MCPH1: variants seen among roughly 807,000 people sequenced by gnomAD.
The protein encoded by MCPH1 is microcephalin.
In MCPH1, 104 loss-of-function variants were observed where a neutral mutation model predicts 84.5. The ratio of observed to expected loss-of-function variants is 1.23; its 90% CI spans 1.05 to 1.45. The LOEUF is 1.45. Among genes scored for constraint, MCPH1 ranks in the 40% most tolerant of loss-of-function variants. The pLI, the probability that MCPH1 is intolerant of heterozygous loss-of-function variation, is 0.00. For synonymous variants in MCPH1, 514 were observed against 366.8 expected, an observed-to-expected ratio of 1.40 and a Z score of -4.58; for missense variants, 1,498 against 1,005.7, an observed-to-expected ratio of 1.49 and a Z score of -6.62.
intron 11 of MCPH1, among the ~76,000 whole-genome samples, chr8:6,491,404 G>T (rs1810568636): frequency 7.0e-6 from 1 of 143,386 alleles, no homozygotes; most frequent in African/African-American, 2.6e-5. Flanking sequence ...AGCTGCTAAA[G>T]ATTATTATTA....
At position 6,503,042 on chromosome 8, in the gene MCPH1, G is replaced by A. The variant is rs549102544; in HGVS notation, c.2214+3113G>A. 4 of 1,596,618 alleles carry A rather than the reference G, an allele frequency of 2.5e-6. No individual in the cohort carries two copies. In the South Asian group the frequency reaches 4.5e-5, roughly 18 times the overall value. ...ACAGTGCGCAGCCGTGACTTTCAGT[G>A]CACTGGGCTTAAGTCTTTGAAAATA... On this transcript the variant is annotated intron_variant, in intron 12 of 13. Transcript: ENST00000344683.
At chr8:6,550,516 T>G (rs1823452632) in intron 12 of MCPH1, among the ~76,000 whole-genome samples, 2 of 152,230 alleles carry the variant, frequency 1.3e-5, no homozygotes, top group African/African-American at 4.8e-5. Context: ...AAAACTGGCC[T>G]GCTCACCATT....
intron 12 of MCPH1, among the ~76,000 whole-genome samples, chr8:6,520,951 G>A (rs2129569186): frequency 6.6e-6 from 1 of 152,238 alleles, no homozygotes; most frequent in Non-Finnish European, 1.5e-5. Flanking sequence ...CTAAAAGTAG[G>A]CTCTTTACTG....
chr8:6,512,189 G>T (rs1222372493), intron 12 of MCPH1, among the ~76,000 whole-genome samples: 1 of 152,118 alleles, frequency 6.6e-6, no homozygotes, highest in African/African-American at 2.4e-5. Context: ...TCTCAAACAT[G>T]CTTCTGAATT....
chr8:6,546,504 G>A (rs964802072), intron 12 of MCPH1, among the ~76,000 whole-genome samples: 15 of 151,668 alleles, frequency 9.9e-5, no homozygotes, highest in African/African-American at 2.7e-4. Flanking sequence ...CCATTCATAC[G>A]TCACTGGGGT....
intron 12 of MCPH1, among the ~76,000 whole-genome samples, chr8:6,533,155 C>A (rs1819846362): frequency 6.6e-6 from 1 of 152,312 alleles, no homozygotes; most frequent in Admixed American, 6.5e-5. Flanking sequence ...TTTAATCGCA[C>A]CTTGGTCCAT....
At chr8:6,616,446 A>C (rs1025076805) in intron 12 of MCPH1, 1 of 152,242 alleles carries the variant, frequency 6.6e-6, no homozygotes, top group Non-Finnish European at 1.5e-5. Context: ...GTCTGCCTTA[A>C]CTGACTTGGA....
At chr8:6,410,251 G>A (rs1798352139) in intron 2 of MCPH1, among the ~76,000 whole-genome samples, 1 of 151,896 alleles carries the variant, frequency 6.6e-6, no homozygotes, top group African/African-American at 2.4e-5. Context: ...TGGGATTACA[G>A]GCATGAGCCA....
intron 12 of MCPH1, chr8:6,514,636 C>T: frequency 6.4e-7 from 1 of 1,562,918 alleles, no homozygotes; most frequent in South Asian, 1.1e-5. Flanking sequence ...CTATTTTTCA[C>T]AAGGGAAATT....
intron 11 of MCPH1, among the ~76,000 whole-genome samples, chr8:6,488,349 G>A (rs1810177397): frequency 6.6e-6 from 1 of 152,230 alleles, no homozygotes; most frequent in Admixed American, 6.5e-5. Flanking sequence ...ATTGAGGGCT[G>A]TGGTGCTGCC....
chr8:6,505,077 T>A (rs138703102), intron 12 of MCPH1, among the ~76,000 whole-genome samples: 109 of 139,188 alleles, frequency 7.8e-4, no homozygotes, highest in African/African-American at 2.6e-3. Flanking sequence ...TAAAGTGAAT[T>A]AACCTCGACC....
intron 9 of MCPH1, among the ~76,000 whole-genome samples, chr8:6,466,818 C>T (rs1032871232): frequency 1.3e-5 from 2 of 152,152 alleles, no homozygotes; most frequent in Admixed American, 6.5e-5. Flanking sequence ...TCAAGTGTTC[C>T]GCCCACCTTG....
intron 8 of MCPH1, among the ~76,000 whole-genome samples, chr8:6,452,414 C>A (rs568373012): frequency 6.6e-6 from 1 of 152,304 alleles, no homozygotes; most frequent in East Asian, 1.9e-4. Context: ...CTGTCAGATT[C>A]ATTTCCGTAT....
At chr8:6,485,153 C>T (rs200628345) in intron 11 of MCPH1, among the ~76,000 whole-genome samples, 1 of 151,976 alleles carries the variant, frequency 6.6e-6, no homozygotes, top group Admixed American at 6.6e-5. Flanking sequence ...GGTGAAACTC[C>T]GTCTCTACTA....
intron 9 of MCPH1, 167 bp from the exon 10 acceptor site, chr8:6,477,427 G>A: frequency 1.6e-6 from 1 of 615,554 alleles, no homozygotes; most frequent in East Asian, 2.8e-5. Flanking sequence ...CTATCTCTTG[G>A]CCTGTTTTTT....
chr8:6,529,427 G>T (rs926990874), intron 12 of MCPH1, among the ~76,000 whole-genome samples: 1 of 151,560 alleles, frequency 6.6e-6, no homozygotes, highest in Non-Finnish European at 1.5e-5. Context: ...GTTTCTTTGC[G>T]GCCTTCCTTA....
intron 12 of MCPH1, among the ~76,000 whole-genome samples, chr8:6,608,187 G>A (rs1461846444): frequency 1.3e-5 from 2 of 152,166 alleles, no homozygotes; most frequent in East Asian, 1.9e-4. Flanking sequence ...CGGCCTGCCC[G>A]GACCCTGATG....
chr8:6,605,690 A>C (rs118169535), intron 12 of MCPH1, among the ~76,000 whole-genome samples: 2 of 141,896 alleles, frequency 1.4e-5, no homozygotes, highest in East Asian at 3.9e-4. Flanking sequence ...AATCACAGAC[A>C]TTATTTTTGT....
At chr8:6,476,034 A>T (rs1255059412) in intron 9 of MCPH1, among the ~76,000 whole-genome samples, 1 of 152,220 alleles carries the variant, frequency 6.6e-6, no homozygotes, top group Non-Finnish European at 1.5e-5. Flanking sequence ...TCATCAAAAT[A>T]GATGCCAAGG....
Sources: gnomAD v4.1 joint callset for allele counts (sites outside exome capture counted in the v4.1 genomes callset) on GRCh38, gnomAD v4.1.1 for gene constraint, MANE v1.5 for transcripts, NCBI Gene and HGNC (gene_info 2026-07-23, HGNC 2026-07-21) for gene names.